Variants in ADCY2 observed in about 807,000 individuals in gnomAD.
ADCY2 encodes adenylate cyclase type 2.
ADCY2 carries 31 observed loss-of-function variants against 125.2 expected under a neutral mutation model. The observed-to-expected ratio is 0.25, with a 90% confidence interval of 0.19 to 0.33. ADCY2 has a LOEUF of 0.33. Ranked by LOEUF, ADCY2 falls within the 10% of genes least tolerant of loss-of-function variation. The pLI, the probability that ADCY2 is intolerant of heterozygous loss-of-function variation, is 1.00. For missense variants in ADCY2, 904 were observed against 1,418.2 expected, an observed-to-expected ratio of 0.64 and a Z score of 5.82; for synonymous variants, 512 against 548.4, an observed-to-expected ratio of 0.93 and a Z score of 0.93.
chr5:7,507,302 G>A (rs371094701), intron 2 of ADCY2, among the ~76,000 whole-genome samples: 2 of 142,866 alleles, frequency 1.4e-5, no homozygotes, highest in African/African-American at 5.2e-5. Context: ...TTAGCCGGGC[G>A]TAGTGGCGGG....
chr5:7,581,020 A>G (rs1361938208), intron 3 of ADCY2, among the ~76,000 whole-genome samples: 2 of 152,234 alleles, frequency 1.3e-5, no homozygotes, highest in Non-Finnish European at 2.9e-5. Context: ...TTAAATGAAC[A>G]GTAACTAAGA....
intron 4 of ADCY2, chr5:7,653,887 T>G (rs991376966): frequency 4.0e-6 from 1 of 249,722 alleles, no homozygotes; most frequent in African/African-American, 2.2e-5. Context: ...TATAAATTCT[T>G]ACCACTCCTG....
chr5:7,647,841 T>C (rs1418897391), intron 4 of ADCY2, among the ~76,000 whole-genome samples: 1 of 152,188 alleles, frequency 6.6e-6, no homozygotes, highest in Non-Finnish European at 1.5e-5. Flanking sequence ...GACTTTCATG[T>C]TTTCTAATAT....
chr5:7,519,037 C>T (rs1000737853), intron 2 of ADCY2, among the ~76,000 whole-genome samples: 28 of 152,272 alleles, frequency 1.8e-4, no homozygotes, highest in African/African-American at 6.3e-4. Context: ...TCCAAAAAGC[C>T]TGGAGTGCCA....
At chr5:7,818,014 G>A (rs1745173402) in intron 23 of ADCY2, among the ~76,000 whole-genome samples, 1 of 152,100 alleles carries the variant, frequency 6.6e-6, no homozygotes, top group South Asian at 2.1e-4. Flanking sequence ...GCTTGGTTGC[G>A]ATGTGTGCAG....
chr5:7,537,429 G>T (rs1279979501), intron 3 of ADCY2, among the ~76,000 whole-genome samples: 1 of 152,090 alleles, frequency 6.6e-6, no homozygotes, highest in Non-Finnish European at 1.5e-5. Flanking sequence ...TCTGTAGATG[G>T]CACCACCATC....
In ADCY2 at chr5:7,686,851, A is replaced by G. The variant is rs372432160; in HGVS notation, c.721-3840A>G. 1.1e-4 allele frequency among the ~76,000 whole-genome samples: 17 copies of G among 152,336 alleles called. No homozygotes were observed. In the East Asian group the frequency reaches 2.1e-3, roughly 19 times the overall value. On this transcript the variant is annotated intron_variant, in intron 4 of 24. Coordinates refer to ENST00000338316, the MANE Select transcript of ADCY2 (RefSeq NM_020546.3). ...TTTCCTTCAGATCAGAACATTTTAA[A>G]TTTAAAAGAAGGAGTCTTGCTTCAC...
At chr5:7,544,438 A>G (rs556306624) in intron 3 of ADCY2, among the ~76,000 whole-genome samples, 1 of 152,162 alleles carries the variant, frequency 6.6e-6, no homozygotes, top group African/African-American at 2.4e-5. Flanking sequence ...TTCCTCAATC[A>G]TTCCACCCCT....
intron 3 of ADCY2, among the ~76,000 whole-genome samples, chr5:7,584,357 G>A (rs6895338): frequency 0.9 from 137,264 of 152,106 alleles, 62,966 homozygotes; most frequent in Non-Finnish European, 0.98. Context: ...TTGAGAACAT[G>A]TAAAAACATG....
intron 3 of ADCY2, among the ~76,000 whole-genome samples, chr5:7,566,743 A>AAAAC (rs1219950884): frequency 1.3e-5 from 2 of 152,150 alleles, no homozygotes; most frequent in Non-Finnish European, 2.9e-5. Context: ...CCTCAGTGGC[A>AAAAC]AAACAAACAA....
chr5:7,744,981 TG>T (rs1742554195), intron 15 of ADCY2, among the ~76,000 whole-genome samples: 1 of 152,250 alleles, frequency 6.6e-6, no homozygotes, highest in South Asian at 2.1e-4. Flanking sequence ...GTTTGTGGCC[TG>T]TCTGTTACCT....
At chr5:7,725,405 A>G (rs1474726639) in intron 13 of ADCY2, among the ~76,000 whole-genome samples, 1 of 152,200 alleles carries the variant, frequency 6.6e-6, no homozygotes, top group South Asian at 2.1e-4. Flanking sequence ...TTTTATGAAT[A>G]TCAAATAGAA....
At chr5:7,750,210 C>G (rs1353492743) in intron 15 of ADCY2, among the ~76,000 whole-genome samples, 1 of 152,064 alleles carries the variant, frequency 6.6e-6, no homozygotes, top group Non-Finnish European at 1.5e-5. Flanking sequence ...CTTTTGGACT[C>G]CTGGAGTTTA....
rs1474135503 is a variant in ADCY2, at chr5:7,626,264, C to T, written c.668C>T (p.Thr223Ile). The T allele has an allele frequency of 1.2e-6, 2 of 1,613,978 alleles. No individual in the cohort carries two copies. The highest frequency in any genetic ancestry group is 1.7e-6 in the Non-Finnish European group (2 of 1,179,976). Residue 223 changes from threonine to isoleucine, a missense_variant, in exon 4 of 25, where the codon ACC becomes ATC. Around this residue, in one of 7 missense-constraint regions of ADCY2, gnomAD observed 117 missense variants for 248.0 expected, o/e 0.47. Coordinates refer to ENST00000338316, the MANE Select transcript of ADCY2 (RefSeq NM_020546.3). ...ELALQQTYQD[T>I]CNCIKSRIKL... Reference sequence around the variant, plus strand: ...GCTCTTCAGCAAACATATCAGGACACCTGTAATTGCATCAAGTCGCGGATC... The same window carrying T: ...GCTCTTCAGCAAACATATCAGGACATCTGTAATTGCATCAAGTCGCGGATC...
rs539596271 is a variant in ADCY2, at chr5:7,613,397, G to A, written c.571-12770G>A. On this transcript the variant is annotated intron_variant, in intron 3 of 24. Transcript: ENST00000338316. Reference sequence around the variant, plus strand: ...GAAGATATTCTGACACCAGCTGGTGGCACTAACCATCCCGCATTAGGGGAG... The same window carrying A: ...GAAGATATTCTGACACCAGCTGGTGACACTAACCATCCCGCATTAGGGGAG... Among the ~76,000 whole-genome samples the A allele has an allele frequency of 5.9e-5, 9 of 152,182 alleles. No homozygotes were observed. In the South Asian group the frequency reaches 1.2e-3, roughly 21 times the overall value.
rs575356346 is a variant in ADCY2 at position 7,610,004 on chromosome 5, G to A, written c.571-16163G>A. On this transcript the variant is annotated intron_variant, in intron 3 of 24. Coordinates refer to ENST00000338316, the MANE Select transcript of ADCY2 (RefSeq NM_020546.3). ...AGGGCTTCATGCCTAGAGTGGAGCTGAGACAGGGCATGAATGGAATGTGGA... is the reference window on the plus strand; with the variant it reads ...AGGGCTTCATGCCTAGAGTGGAGCTAAGACAGGGCATGAATGGAATGTGGA... Among the ~76,000 whole-genome samples, 5 of 152,310 alleles carry A rather than the reference G, an allele frequency of 3.3e-5. No individual in the cohort carries two copies. The South Asian group carries it at 1.0e-3, about 32-fold the overall frequency.
In ADCY2 at chr5:7,496,899, C is replaced by A. The variant is rs1743364091; in HGVS notation, c.409-23839C>A. On this transcript the variant is annotated intron_variant, in intron 2 of 24. Coordinates refer to ENST00000338316, the MANE Select transcript of ADCY2 (RefSeq NM_020546.3). ...TAATATATCTAGGAATAAACATAAG[C>A]AATGGTCAGAATTTCCTTGGCATTA... Among the ~76,000 whole-genome samples the A allele has an allele frequency of 2.0e-5, 3 of 151,990 alleles. No individual in the cohort carries two copies. The South Asian group carries it at 6.2e-4, about 32-fold the overall frequency.
intron 22 of ADCY2, among the ~76,000 whole-genome samples, chr5:7,807,640 A>G (rs1295006832): frequency 1.3e-5 from 2 of 152,076 alleles, no homozygotes; most frequent in African/African-American, 2.4e-5. Flanking sequence ...CCCTCTGCAC[A>G]TTCGATCTCC....
rs1390636708 is a variant in ADCY2 at position 7,661,281 on chromosome 5, CAT to C, written c.721-29407_721-29406del. 3.3e-5 allele frequency among the ~76,000 whole-genome samples: 5 copies of C among 152,070 alleles called. No individual in the cohort carries two copies. In the East Asian group the frequency reaches 9.6e-4, roughly 29 times the overall value. ...ATTAAGGGTAGACAAAGATTTAAAACATATTTTAAAAGATCTACTTTTTAATA... is the reference window on the plus strand; with the variant it reads ...ATTAAGGGTAGACAAAGATTTAAAACATTTTAAAAGATCTACTTTTTAATA... On this transcript the variant is annotated intron_variant, in intron 4 of 24. Transcript: ENST00000338316.
Sources: gnomAD v4.1 joint callset for allele counts (sites outside exome capture counted in the v4.1 genomes callset) on GRCh38, gnomAD v4.1.1 for gene constraint, gnomAD v4.1.1 regional missense constraint, MANE v1.5 for transcripts, NCBI Gene and HGNC (gene_info 2026-07-23, HGNC 2026-07-21) for gene names.